CEP126: variants seen among roughly 807,000 people sequenced by gnomAD.
CEP126 encodes the protein centrosomal protein 126.
Under a neutral mutation model 107.8 loss-of-function variants are expected in CEP126, and 74 were observed. The observed-to-expected ratio is 0.69, with a 90% confidence interval of 0.57 to 0.83. The LOEUF is 0.83. Ranked by LOEUF, CEP126 falls within the 40% of genes least tolerant of loss-of-function variation. The probability of loss-of-function intolerance (pLI) is 0.00; values close to 1 mark genes in which losing one functional copy is unlikely to be tolerated. For synonymous variants in CEP126, 449 were observed against 446.0 expected (o/e 1.01, Z -0.08); for missense variants, 1,237 against 1,281.9 (o/e 0.96, Z 0.53).
intron 2 of CEP126, among the ~76,000 whole-genome samples, chr11:101,929,974 C>CTTTTTTTTTTTT (rs60650996): frequency 4.2e-4 from 50 of 118,666 alleles, no homozygotes; most frequent in African/African-American, 1.0e-3. Flanking sequence ...TTAGTTAGGA[C>CTTTTTTTTTTTT]TTTTTTTTTT....
intron 7 of CEP126, among the ~76,000 whole-genome samples, chr11:101,979,933 C>CT (rs889675433): frequency 1.3e-5 from 2 of 152,026 alleles, no homozygotes; most frequent in East Asian, 1.9e-4. Context: ...ATCACTCTGA[C>CT]TTTTTTTAAT....
At chr11:101,977,689 A>G (rs1941208356) in intron 6 of CEP126, among the ~76,000 whole-genome samples, 1 of 151,850 alleles carries the variant, frequency 6.6e-6, no homozygotes, top group African/African-American at 2.4e-5. Flanking sequence ...ATGTAACTAC[A>G]ACTCACCTTA....
chr11:101,986,739 C>G (rs1941320264), intron 8 of CEP126, 93 bp from the exon 9 acceptor site: 1 of 834,960 alleles, frequency 1.2e-6, no homozygotes, highest in Non-Finnish European at 2.0e-6. Context: ...TACATACAGA[C>G]AGTTAAGCAT....
At chr11:101,939,869 T>C (rs1418552505) in intron 2 of CEP126, among the ~76,000 whole-genome samples, 1 of 152,158 alleles carries the variant, frequency 6.6e-6, no homozygotes, top group Admixed American at 6.5e-5. Flanking sequence ...ATATACAGTG[T>C]TGTGTAGAGT....
At chr11:101,990,808 G>C (rs1783741) in intron 9 of CEP126, among the ~76,000 whole-genome samples, 1 of 151,564 alleles carries the variant, frequency 6.6e-6, no homozygotes, top group African/African-American at 2.4e-5. Context: ...GAACATTTCA[G>C]GGGGTGGGGG....
chr11:101,938,515 T>C (rs1308513147), intron 2 of CEP126, among the ~76,000 whole-genome samples: 1 of 151,896 alleles, frequency 6.6e-6, no homozygotes, highest in African/African-American at 2.4e-5. Flanking sequence ...ACTGAAGTCA[T>C]TGATTTTAAA....
chr11:101,981,601 C>T (rs934346523), intron 7 of CEP126, among the ~76,000 whole-genome samples: 21 of 152,130 alleles, frequency 1.4e-4, no homozygotes, highest in Non-Finnish European at 2.8e-4. Flanking sequence ...CTAATTAGCA[C>T]TTTTGATTAC....
intron 10 of CEP126, among the ~76,000 whole-genome samples, chr11:101,995,068 C>T (rs971361441): frequency 3.3e-5 from 5 of 152,146 alleles, no homozygotes; most frequent in African/African-American, 1.2e-4. Flanking sequence ...GTTCCCCTCC[C>T]TGTGTCCATG....
In CEP126 at chr11:101,999,007, G is replaced by A. The variant is rs1941476582; in HGVS notation, c.*1364G>A. On this transcript the variant is annotated 3_prime_UTR_variant, in exon 11 of 11. Transcript: ENST00000263468. ...CAGGAAAAGAATTCACTTTTTAAAT[G>A]AAGAAATTAGTGAAAAAATTGACCT... 6.6e-6 allele frequency: 1 copy of A among 152,128 alleles called. No individual in the cohort carries two copies. The highest frequency in any genetic ancestry group is 2.4e-5 in the African/African-American group (1 of 41,420). The allele number at this position is 152,128 out of a possible 1,614,324, so 9.4% of individuals were successfully genotyped here. A position where few individuals can be genotyped will look rare whatever the true frequency, so the allele number is the denominator to read the frequency against.
intron 3 of CEP126, among the ~76,000 whole-genome samples, chr11:101,947,201 T>G (rs1940748171): frequency 6.6e-6 from 1 of 152,166 alleles, no homozygotes; most frequent in African/African-American, 2.4e-5. Flanking sequence ...AGGAAGATAG[T>G]TTGGAAGTAC....
In CEP126 at chr11:101,915,344, G is replaced by T; in HGVS notation, c.60G>T (p.Ser20=). 1 of 1,613,954 alleles carries T rather than the reference G, an allele frequency of 6.2e-7. No homozygotes were observed. The highest frequency in any genetic ancestry group is 8.5e-7 in the Non-Finnish European group (1 of 1,179,996). ...TCGGGGAACTGGGCACTGAATCATCGGACAACCTCGACAGAGCCCCCCTCG... is the reference window on the plus strand; with the variant it reads ...TCGGGGAACTGGGCACTGAATCATCTGACAACCTCGACAGAGCCCCCCTCG... ...SAVGELGTES[S]DNLDRAPLGP... Residue 20 remains serine, a synonymous_variant, in exon 1 of 11, where the codon TCG becomes TCT. Transcript: ENST00000263468.
chr11:101,933,137 C>A (rs754252530), intron 2 of CEP126, among the ~76,000 whole-genome samples: 9 of 152,162 alleles, frequency 5.9e-5, no homozygotes, highest in Non-Finnish European at 1.0e-4. Flanking sequence ...GCAATTAATT[C>A]TTCCATTCCA....
At chr11:101,937,756 T>G (rs932788037) in intron 2 of CEP126, among the ~76,000 whole-genome samples, 3 of 150,780 alleles carry the variant, frequency 2.0e-5, no homozygotes, top group East Asian at 1.9e-4. Flanking sequence ...GAACCTAGAG[T>G]TTTTTTTGTG....
chr11:101,939,658 A>C (rs2137092501), intron 2 of CEP126, among the ~76,000 whole-genome samples: 1 of 152,360 alleles, frequency 6.6e-6, no homozygotes, highest in African/African-American at 2.4e-5. Flanking sequence ...TGAAATATTA[A>C]ACAACAAATA....
chr11:101,967,097 T>C (rs946853930), intron 6 of CEP126, among the ~76,000 whole-genome samples: 6 of 147,822 alleles, frequency 4.1e-5, no homozygotes, highest in Non-Finnish European at 7.4e-5. Flanking sequence ...GGCGTGATCA[T>C]GGCTCAGTGC....
intron 10 of CEP126, among the ~76,000 whole-genome samples, chr11:101,995,924 C>G (rs548879340): frequency 7.2e-5 from 11 of 152,192 alleles, no homozygotes; most frequent in Non-Finnish European, 1.6e-4. Flanking sequence ...AAAAATACAT[C>G]ATGAGCACAA....
intron 2 of CEP126, among the ~76,000 whole-genome samples, chr11:101,931,928 G>A (rs1321992538): frequency 1.3e-5 from 2 of 152,192 alleles, no homozygotes; most frequent in African/African-American, 4.8e-5. Context: ...GCTGTCATTT[G>A]ATGAGATGGC....
At chr11:101,982,706 C>G (rs1163349164) in intron 8 of CEP126, among the ~76,000 whole-genome samples, 1 of 152,074 alleles carries the variant, frequency 6.6e-6, no homozygotes, top group African/African-American at 2.4e-5. Flanking sequence ...TCTGTTCATT[C>G]AGTAAATGAT....
intron 2 of CEP126, among the ~76,000 whole-genome samples, chr11:101,926,378 G>A (rs1940411692): frequency 6.6e-6 from 1 of 152,228 alleles, no homozygotes. Flanking sequence ...GTTGTATGTG[G>A]CTGATGCATG....
Sources: allele counts gnomAD v4.1 joint callset (sites outside exome capture counted in the v4.1 genomes callset), GRCh38; gene constraint gnomAD v4.1.1; transcripts MANE v1.5; gene names NCBI Gene and HGNC (gene_info 2026-07-23, HGNC 2026-07-21).